The following PRKG1 variants were observed in gnomAD, a reference collection of about 807,000 sequenced individuals.
PRKG1 encodes protein kinase cGMP-dependent 1.
Under a neutral mutation model 88.1 loss-of-function variants are expected in PRKG1, and 35 were observed. The observed-to-expected ratio is 0.40, with a 90% CI of 0.30 to 0.53. PRKG1 has a LOEUF of 0.53. Among genes scored for constraint, PRKG1 ranks in the 20% least tolerant of loss-of-function variants. The probability of loss-of-function intolerance (pLI) is 0.59; values close to 1 mark genes in which losing one functional copy is unlikely to be tolerated. For synonymous variants in PRKG1, 303 were observed against 292.5 expected, an observed-to-expected ratio of 1.04 and a Z score of -0.37; for missense variants, 540 against 839.8, an observed-to-expected ratio of 0.64 and a Z score of 4.41.
intron 1 of PRKG1, among the ~76,000 whole-genome samples, chr10:51,150,530 T>C (rs890680961): frequency 1.3e-5 from 2 of 152,258 alleles, no homozygotes; most frequent in Non-Finnish European, 2.9e-5. Flanking sequence ...AGGCACAAGG[T>C]ATCTATCTTG....
intron 3 of PRKG1, among the ~76,000 whole-genome samples, chr10:51,548,385 G>A (rs1181349548): frequency 1.3e-5 from 2 of 152,022 alleles, no homozygotes; most frequent in Non-Finnish European, 2.9e-5. Context: ...TATCTTCTGT[G>A]TTAATTATAG....
intron 4 of PRKG1, among the ~76,000 whole-genome samples, chr10:51,877,672 T>A (rs1841332823): frequency 6.6e-6 from 1 of 152,162 alleles, no homozygotes; most frequent in Non-Finnish European, 1.5e-5. Context: ...GCAACAGAAA[T>A]GTAAAGAAGA....
chr10:51,139,110 A>G (rs1383870343), intron 1 of PRKG1, among the ~76,000 whole-genome samples: 1 of 152,204 alleles, frequency 6.6e-6, no homozygotes, highest in African/African-American at 2.4e-5. Flanking sequence ...AATGAAGAGC[A>G]TAGCAGTAAG....
intron 7 of PRKG1, among the ~76,000 whole-genome samples, chr10:52,083,470 C>T (rs1375623772): frequency 6.6e-6 from 1 of 151,976 alleles, no homozygotes; most frequent in Non-Finnish European, 1.5e-5. Context: ...TGATCCGGAA[C>T]ACTTTAGAAC....
intron 3 of PRKG1, among the ~76,000 whole-genome samples, chr10:51,706,774 T>C (rs1841615566): frequency 6.6e-6 from 1 of 152,190 alleles, no homozygotes; most frequent in African/African-American, 2.4e-5. Context: ...TACAAATTAC[T>C]TCGCCTCTCT....
In PRKG1 at chr10:51,666,667, G is replaced by C. The variant is rs542698745; in HGVS notation, c.593-137918G>C. Among the ~76,000 whole-genome samples, 106 of 152,228 alleles carry C rather than the reference G, an allele frequency of 7.0e-4. 2 individuals are homozygous for C. The South Asian group carries it at 0.021, about 30-fold the overall frequency. On this transcript the variant is annotated intron_variant, in intron 3 of 17. Coordinates refer to ENST00000373980, the MANE Select transcript of PRKG1 (RefSeq NM_006258.4). ...CTTCATATCATAAATCCACCCACAT[G>C]GTAGATGCAGCTGTTGCTTAATTAT... is the stretch of plus-strand genomic sequence containing the variant.
At chr10:51,023,725 T>G (rs1843167937) in intron 1 of PRKG1, among the ~76,000 whole-genome samples, 1 of 152,210 alleles carries the variant, frequency 6.6e-6, no homozygotes, top group Admixed American at 6.5e-5. Flanking sequence ...TCACTGCTTT[T>G]CACAGTTCAA....
intron 7 of PRKG1, among the ~76,000 whole-genome samples, chr10:52,091,866 CT>C (rs911113583): frequency 8.5e-5 from 13 of 152,298 alleles, no homozygotes; most frequent in African/African-American, 2.6e-4. Flanking sequence ...TATTCATCCT[CT>C]GGTGCAGCAA....
intron 1 of PRKG1, among the ~76,000 whole-genome samples, chr10:51,053,967 G>A (rs1305713850): frequency 6.6e-6 from 1 of 152,090 alleles, no homozygotes; most frequent in East Asian, 1.9e-4. Flanking sequence ...TCAAAGCTAA[G>A]TACAGTAAAA....
intron 4 of PRKG1, among the ~76,000 whole-genome samples, chr10:51,893,645 A>G (rs969414543): frequency 2.6e-5 from 4 of 152,232 alleles, no homozygotes; most frequent in Non-Finnish European, 4.4e-5. Context: ...TATTAAGTAT[A>G]GCATTACAGA....
intron 14 of PRKG1, among the ~76,000 whole-genome samples, chr10:52,287,504 A>T (rs1193883490): frequency 6.6e-6 from 1 of 151,714 alleles, no homozygotes; most frequent in Non-Finnish European, 1.5e-5. Context: ...CAAAAAAAAT[A>T]ATAATTCAGA....
chr10:52,128,325 T>A lies in PRKG1; in HGVS notation c.936-5515T>A, dbSNP rs982366155. 6.1e-6 allele frequency: 6 copies of A among 985,396 alleles called. No homozygotes were observed. The African/African-American group carries it at 1.0e-4, about 17-fold the overall frequency. 61.0% of individuals were successfully genotyped at this position (985,396 alleles called of 1,614,324 possible). A position where few individuals can be genotyped will look rare whatever the true frequency, so the allele number is the denominator to read the frequency against. ...ACTCTGACAGCTACTTTGTATCAAC[T>A]ATGTTCTGCTTTGGCCTCATACATT... On this transcript the variant is annotated intron_variant, in intron 7 of 17. Transcript: ENST00000373980.
chr10:52,045,428 A>C (rs145499899), intron 5 of PRKG1, among the ~76,000 whole-genome samples: 4 of 152,126 alleles, frequency 2.6e-5, no homozygotes, highest in Non-Finnish European at 2.9e-5. Context: ...TCACAACACC[A>C]GAAAGAGCAA....
intron 3 of PRKG1, among the ~76,000 whole-genome samples, chr10:51,471,325 T>A (rs78269869): frequency 3.3e-5 from 5 of 151,966 alleles, no homozygotes; most frequent in South Asian, 2.1e-4. Flanking sequence ...TTGATTTTTT[T>A]AATATTTTAT....
At chr10:52,178,414 CAT>C (rs1404495265) in intron 9 of PRKG1, among the ~76,000 whole-genome samples, 1 of 151,942 alleles carries the variant, frequency 6.6e-6, no homozygotes, top group Non-Finnish European at 1.5e-5. Flanking sequence ...AATTTTGTAA[CAT>C]ATCATCTATC....
intron 10 of PRKG1, among the ~76,000 whole-genome samples, chr10:52,258,483 C>T (rs940034482): frequency 2.6e-5 from 4 of 151,216 alleles, no homozygotes; most frequent in Admixed American, 6.6e-5. Context: ...GTGAGGAGAA[C>T]ATGAGACATG....
intron 7 of PRKG1, chr10:52,125,651 T>C (rs1031676096): frequency 6.6e-6 from 1 of 152,164 alleles, no homozygotes; most frequent in Admixed American, 6.6e-5. Flanking sequence ...GCACTTAACA[T>C]GCACTGTGGC....
At chr10:51,420,420 C>T (rs1013699628) in intron 2 of PRKG1, among the ~76,000 whole-genome samples, 1 of 152,088 alleles carries the variant, frequency 6.6e-6, no homozygotes, top group African/African-American at 2.4e-5. Flanking sequence ...CCAGTTGATG[C>T]CCAGGATGAC....
chr10:51,698,706 G>T (rs573214790), intron 3 of PRKG1: 9 of 1,614,212 alleles, frequency 5.6e-6, no homozygotes, highest in Non-Finnish European at 7.6e-6. Flanking sequence ...GCTCCTCCAG[G>T]AGTTAAGGAA....
Sources: allele counts gnomAD v4.1 joint callset (sites outside exome capture counted in the v4.1 genomes callset), GRCh38; gene constraint gnomAD v4.1.1; transcripts MANE v1.5; gene names NCBI Gene and HGNC (gene_info 2026-07-23, HGNC 2026-07-21).